DLG2: variants seen among roughly 807,000 people sequenced by gnomAD.
DLG2 encodes the protein disks large homolog 2.
DLG2 carries 45 observed loss-of-function variants against 132.5 expected under a neutral mutation model. The observed-to-expected ratio is 0.34, with a 90% CI of 0.27 to 0.44. DLG2 has a LOEUF of 0.44. DLG2 is among the 20% of genes least tolerant of loss of function. The pLI is 1.00. For missense variants in DLG2, 1,045 were observed against 1,196.9 expected (o/e 0.87, Z 1.87); for synonymous variants, 424 against 419.6 (o/e 1.01, Z -0.13).
Position 83,973,297 on chromosome 11 carries a change from A to G in DLG2, c.1056+7209T>C, listed in dbSNP as rs190148135. 1.2e-3 allele frequency among the ~76,000 whole-genome samples: 183 copies of G among 152,228 alleles called. 5 individuals carry two copies. The highest frequency in any genetic ancestry group is 4.2e-3 in the African/African-American group (175 of 41,568). The stretch of plus-strand genomic sequence containing the variant: ...ATGATACTTACAGAGCAGATTCTAT[A>G]AAGAGGGCTATTACACTGAGTATAA... On this transcript the variant is annotated intron_variant, in intron 12 of 27. Coordinates refer to ENST00000376104, the MANE Select transcript of DLG2 (RefSeq NM_001142699.3).
chr11:83,458,200 A>G lies in DLG2; in HGVS notation c.*1618T>C, dbSNP rs1439469983. ...CAGAACCCAGAGTAGAGTGGTTATT[A>G]TCACTGAAAAGTCTCTCCCCAAACA... On this transcript the variant is annotated 3_prime_UTR_variant, in exon 28 of 28. Transcript: ENST00000376104. 1 of 152,628 alleles carries G rather than the reference A, an allele frequency of 6.6e-6. No homozygotes were observed. Among genetic ancestry groups the G allele is most frequent in the Non-Finnish European group, 1.5e-5 (1 of 68,042 alleles). The allele number at this position is 152,628 out of a possible 1,614,324, so 9.5% of individuals were successfully genotyped here.
At chr11:83,611,913 AG>A (rs200456613) in intron 19 of DLG2, among the ~76,000 whole-genome samples, 1,917 of 152,122 alleles carry the variant, frequency 0.013, 39 homozygotes, top group African/African-American at 0.044. Context: ...CTGCTTTTGA[AG>A]GGGGGGCAAC....
intron 9 of DLG2, among the ~76,000 whole-genome samples, chr11:84,131,182 G>A (rs1356990234): frequency 6.6e-6 from 1 of 151,872 alleles, no homozygotes; most frequent in Non-Finnish European, 1.5e-5. Flanking sequence ...GGCAGAAGGA[G>A]GCAGCTTAGG....
At chr11:83,965,134 A>T (rs2154159387) in intron 13 of DLG2, among the ~76,000 whole-genome samples, 190 bp downstream of exon 13, 1 of 152,166 alleles carries the variant, frequency 6.6e-6, no homozygotes, top group African/African-American at 2.4e-5. Context: ...ACTCATTAGG[A>T]GATCTCATCT....
chr11:84,103,279 C>T (rs191672454), intron 9 of DLG2, among the ~76,000 whole-genome samples: 126 of 152,220 alleles, frequency 8.3e-4, no homozygotes, highest in African/African-American at 2.9e-3. Context: ...AAATTGCTGC[C>T]TGCTGCTCTC....
chr11:83,693,878 T>C (rs974750703), intron 18 of DLG2: 1 of 152,108 alleles, frequency 6.6e-6, no homozygotes, highest in Non-Finnish European at 1.5e-5. Flanking sequence ...CCTTCCCTCA[T>C]GCAATTGTGT....
chr11:85,408,987 T>G (rs1032931560), intron 3 of DLG2, among the ~76,000 whole-genome samples: 3 of 151,972 alleles, frequency 2.0e-5, no homozygotes, highest in Non-Finnish European at 2.9e-5. Context: ...TGAGCTCTTA[T>G]GACAACTTAG....
intron 14 of DLG2, among the ~76,000 whole-genome samples, chr11:83,945,977 C>T (rs1385121606): frequency 2.2e-5 from 3 of 138,042 alleles, no homozygotes; most frequent in Non-Finnish European, 4.6e-5. Flanking sequence ...TTTTCTCTTT[C>T]TCTTTCTCTC....
intron 14 of DLG2, among the ~76,000 whole-genome samples, chr11:83,957,629 A>T (rs2087249388): frequency 6.6e-6 from 1 of 151,468 alleles, no homozygotes; most frequent in African/African-American, 2.4e-5. Context: ...TTCTCAATGA[A>T]CTTAAAATTA....
chr11:84,755,898 C>G (rs1185720372), intron 6 of DLG2, among the ~76,000 whole-genome samples: 1 of 151,968 alleles, frequency 6.6e-6, no homozygotes, highest in Non-Finnish European at 1.5e-5. Context: ...GTTTATTGTT[C>G]CCTTCAAAAG....
intron 5 of DLG2, among the ~76,000 whole-genome samples, chr11:85,137,430 G>C (rs1257127958): frequency 2.0e-5 from 3 of 152,104 alleles, no homozygotes; most frequent in Non-Finnish European, 4.4e-5. Flanking sequence ...CCAACACAGA[G>C]AGTGGTCTAT....
intron 19 of DLG2, among the ~76,000 whole-genome samples, chr11:83,603,464 A>G (rs978290882): frequency 1.3e-5 from 2 of 152,196 alleles, no homozygotes; most frequent in African/African-American, 2.4e-5. Context: ...ATCAGTATAT[A>G]TATTGTTATA....
intron 6 of DLG2, among the ~76,000 whole-genome samples, chr11:84,897,069 C>G (rs2090294757): frequency 6.6e-6 from 1 of 151,792 alleles, no homozygotes; most frequent in South Asian, 2.1e-4. Context: ...TGTACCATAA[C>G]TAATCAAATC....
intron 6 of DLG2, among the ~76,000 whole-genome samples, chr11:84,941,699 T>TG (rs1366969223): frequency 1.6e-5 from 2 of 122,218 alleles, no homozygotes; most frequent in Non-Finnish European, 3.8e-5. Flanking sequence ...TTCTTTCTCT[T>TG]TTTTTTTTTT....
chr11:84,878,629 A>T (rs762849901), intron 6 of DLG2, among the ~76,000 whole-genome samples: 15 of 152,156 alleles, frequency 9.9e-5, no homozygotes, highest in Non-Finnish European at 1.8e-4. Flanking sequence ...TGGGTGCAGC[A>T]AACTACATGG....
intron 7 of DLG2, among the ~76,000 whole-genome samples, chr11:84,296,859 AC>A (rs2098095759): frequency 6.6e-6 from 1 of 152,210 alleles, no homozygotes; most frequent in African/African-American, 2.4e-5. Flanking sequence ...CTTTTTAGCA[AC>A]TTTCCAAAGG....
chr11:83,954,382 T>C (rs1186183061), intron 14 of DLG2, among the ~76,000 whole-genome samples: 1 of 152,208 alleles, frequency 6.6e-6, no homozygotes, highest in Non-Finnish European at 1.5e-5. Flanking sequence ...GTTTTCTCTT[T>C]ATTGTTTATT....
chr11:84,473,226 A>G (rs577941766), intron 7 of DLG2, among the ~76,000 whole-genome samples: 19 of 152,124 alleles, frequency 1.2e-4, no homozygotes, highest in African/African-American at 4.6e-4. Context: ...GGGTTTCTCT[A>G]AGAATGTGGC....
intron 8 of DLG2, among the ~76,000 whole-genome samples, chr11:84,204,118 C>T (rs2096634246): frequency 6.6e-6 from 1 of 151,940 alleles, no homozygotes; most frequent in Admixed American, 6.6e-5. Flanking sequence ...CCACCATGCC[C>T]GGCTAATTTT....
Sources: gnomAD v4.1 joint callset for allele counts (sites outside exome capture counted in the v4.1 genomes callset) on GRCh38, gnomAD v4.1.1 for gene constraint, MANE v1.5 for transcripts, NCBI Gene and HGNC (gene_info 2026-07-23, HGNC 2026-07-21) for gene names.